BANK1: variants seen among roughly 807,000 people sequenced by gnomAD.
The protein encoded by BANK1 is B-cell scaffold protein with ankyrin repeats.
In BANK1, 95 loss-of-function variants were observed where a neutral mutation model predicts 94.5. The ratio of observed to expected loss-of-function variants is 1.00; its 90% CI spans 0.85 to 1.19. The LOEUF is 1.19. Among genes scored for constraint, BANK1 ranks in the 50% most tolerant of loss-of-function variants. The probability of loss-of-function intolerance (pLI) is 0.00; values close to 1 mark genes in which losing one functional copy is unlikely to be tolerated. For synonymous variants in BANK1, 334 were observed against 308.4 expected, an observed-to-expected ratio of 1.08 and a Z score of -0.87; for missense variants, 987 against 932.2, an observed-to-expected ratio of 1.06 and a Z score of -0.77.
chr4:101,953,962 T>C (rs984978931), intron 7 of BANK1, among the ~76,000 whole-genome samples: 8 of 152,146 alleles, frequency 5.3e-5, no homozygotes, highest in African/African-American at 1.9e-4. Flanking sequence ...TTTTTCATAG[T>C]ACTGCAGGCT....
chr4:102,008,465 G>A (rs1337082197), intron 7 of BANK1, among the ~76,000 whole-genome samples: 1 of 152,150 alleles, frequency 6.6e-6, no homozygotes, highest in Non-Finnish European at 1.5e-5. Context: ...ATATATCTTA[G>A]AAAGGAGTTG....
At chr4:102,063,434 T>C in intron 13 of BANK1, among the ~76,000 whole-genome samples, 1 of 152,028 alleles carries the variant, frequency 6.6e-6, no homozygotes, top group African/African-American at 2.4e-5. Context: ...ATTTTATATG[T>C]TATAAATATA....
chr4:101,807,939 G>C (rs964939671), intron 1 of BANK1, among the ~76,000 whole-genome samples: 2 of 151,740 alleles, frequency 1.3e-5, no homozygotes, highest in Non-Finnish European at 2.9e-5. Context: ...AAAAAAATTA[G>C]CTGGCTGTGG....
chr4:102,057,631 C>T (rs993031392), intron 11 of BANK1, among the ~76,000 whole-genome samples: 1 of 152,046 alleles, frequency 6.6e-6, no homozygotes, highest in African/African-American at 2.4e-5. Context: ...GCACCTGGAC[C>T]CTAGTTATTT....
chr4:101,836,857 G>A (rs72923462), intron 2 of BANK1, among the ~76,000 whole-genome samples: 3,107 of 152,224 alleles, frequency 0.02, 96 homozygotes, highest in African/African-American at 0.071. Context: ...CAAAGCCATC[G>A]GCTCGGCACT....
intron 2 of BANK1, among the ~76,000 whole-genome samples, chr4:101,845,919 G>T (rs932849019): frequency 3.0e-4 from 46 of 152,138 alleles, no homozygotes; most frequent in Admixed American, 3.0e-3. Flanking sequence ...CAACGTGCAG[G>T]TTTGTTACAT....
chr4:101,874,673 A>C (rs145247623), intron 5 of BANK1, among the ~76,000 whole-genome samples: 23 of 151,894 alleles, frequency 1.5e-4, no homozygotes, highest in African/African-American at 5.3e-4. Flanking sequence ...TCCAGAATCA[A>C]CTCCTTTCAC....
At position 101,791,064 on chromosome 4, in the gene BANK1, C is replaced by A. The variant is rs1724966073; in HGVS notation, c.70+114C>A. 3 of 846,740 alleles carry A rather than the reference C, an allele frequency of 3.5e-6. No homozygotes were observed. In the South Asian group the frequency reaches 5.5e-5, roughly 15 times the overall value. 52.5% of individuals were successfully genotyped at this position (846,740 alleles called of 1,614,324 possible). ...CTCGGGCACTGAGGCCAGGGCGTCC[C>A]TGAGACAGGGCTTCTCCTTTTTATC... On this transcript the variant is annotated intron_variant, in intron 1 of 16. Transcript: ENST00000322953.
chr4:101,842,307 G>T (rs1463848645), intron 2 of BANK1, among the ~76,000 whole-genome samples: 6 of 152,152 alleles, frequency 3.9e-5, no homozygotes, highest in African/African-American at 1.4e-4. Flanking sequence ...TCCATTATTT[G>T]TTCACGATTG....
At chr4:101,823,539 T>C (rs76536155) in intron 1 of BANK1, among the ~76,000 whole-genome samples, 5,573 of 152,262 alleles carry the variant, frequency 0.037, 352 homozygotes, top group African/African-American at 0.13. Flanking sequence ...AACAACCCTA[T>C]TTAGGTACTT....
chr4:101,987,537 A>T (rs1460140294), intron 7 of BANK1, among the ~76,000 whole-genome samples: 1 of 152,208 alleles, frequency 6.6e-6, no homozygotes, highest in Non-Finnish European at 1.5e-5. Context: ...TTCCATACCA[A>T]TTACCAATTA....
chr4:102,060,095 A>T, intron 11 of BANK1, 116 bp from the exon 12 acceptor site: 1 of 920,692 alleles, frequency 1.1e-6, no homozygotes, highest in Non-Finnish European at 1.6e-6. Context: ...TTTATTCTTT[A>T]ACTGCTCATA....
At chr4:101,837,158 CACTT>C (rs1248319531) in intron 2 of BANK1, among the ~76,000 whole-genome samples, 2 of 152,114 alleles carry the variant, frequency 1.3e-5, no homozygotes, top group African/African-American at 2.4e-5. Flanking sequence ...GGATTTAAAA[CACTT>C]ACTTTGATTG....
intron 6 of BANK1, among the ~76,000 whole-genome samples, chr4:101,911,294 A>G (rs1409285131): frequency 6.6e-6 from 1 of 152,206 alleles, no homozygotes; most frequent in African/African-American, 2.4e-5. Flanking sequence ...AGGGCAGATT[A>G]TCTTAAATTT....
chr4:102,052,621 C>T (rs1728090455), intron 11 of BANK1, among the ~76,000 whole-genome samples: 1 of 152,132 alleles, frequency 6.6e-6, no homozygotes, highest in Admixed American at 6.5e-5. Context: ...CACACACACA[C>T]ACTAAGCACT....
At chr4:101,855,852 G>A (rs567645407) in intron 3 of BANK1, among the ~76,000 whole-genome samples, 1 of 152,168 alleles carries the variant, frequency 6.6e-6, no homozygotes, top group East Asian at 1.9e-4. Context: ...AGTATAATGT[G>A]GGGGGATGAT....
chr4:102,072,306 GA>G, intron 14 of BANK1, 38 bp from the exon 15 acceptor site: 1 of 1,425,944 alleles, frequency 7.0e-7, no homozygotes, highest in Non-Finnish European at 9.8e-7. Context: ...TCAAATTTGT[GA>G]ATGAATAAAG....
intron 5 of BANK1, among the ~76,000 whole-genome samples, chr4:101,882,618 A>AT (rs1728719451): frequency 2.0e-5 from 3 of 152,230 alleles, no homozygotes; most frequent in African/African-American, 7.2e-5. Context: ...AGCAAGAGTT[A>AT]GATTCTTTTA....
At chr4:101,971,600 C>T (rs960682842) in intron 7 of BANK1, among the ~76,000 whole-genome samples, 7 of 152,026 alleles carry the variant, frequency 4.6e-5, no homozygotes, top group Non-Finnish European at 1.0e-4. Context: ...ATGTAGTTTT[C>T]CCCTGGCAGT....
Sources: gnomAD v4.1 joint callset for allele counts (sites outside exome capture counted in the v4.1 genomes callset) on GRCh38, gnomAD v4.1.1 for gene constraint, MANE v1.5 for transcripts, NCBI Gene and HGNC (gene_info 2026-07-23, HGNC 2026-07-21) for gene names.